Variants in SGIP1 observed in about 807,000 individuals in gnomAD.
The protein encoded by SGIP1 is SH3GL interacting endocytic adaptor 1.
A neutral mutation model predicts 107.5 loss-of-function variants in SGIP1; 38 were observed. The ratio of observed to expected loss-of-function variants is 0.35; its 90% CI spans 0.27 to 0.46. SGIP1 has a LOEUF of 0.46. Ranked by LOEUF, SGIP1 falls within the 20% of genes least tolerant of loss-of-function variation. SGIP1 has a pLI of 1.00. For synonymous variants in SGIP1, 365 were observed against 366.1 expected (o/e 1.00, Z 0.03); for missense variants, 929 against 1,019.5 (o/e 0.91, Z 1.21).
At chr1:66,673,697 CAGA>C (rs1352614713) in intron 12 of SGIP1, among the ~76,000 whole-genome samples, 2 of 152,204 alleles carry the variant, frequency 1.3e-5, no homozygotes, top group African/African-American at 4.8e-5. Flanking sequence ...GAGGTGTCAA[CAGA>C]ATCACAAATG....
At chr1:66,536,540 G>C (rs924731727) in intron 1 of SGIP1, among the ~76,000 whole-genome samples, 8 of 152,118 alleles carry the variant, frequency 5.3e-5, no homozygotes, top group African/African-American at 1.7e-4. Flanking sequence ...TTTCACCTCT[G>C]AATTGCTCTT....
At chr1:66,727,755 A>T (rs2093823710) in intron 19 of SGIP1, among the ~76,000 whole-genome samples, 1 of 152,206 alleles carries the variant, frequency 6.6e-6, no homozygotes, top group Admixed American at 6.5e-5. Context: ...AATTATGTGC[A>T]GTGAAAGAAA....
At chr1:66,534,119 G>A (rs1433751466), upstream of SGIP1, 3 of 589,452 alleles carry the variant, frequency 5.1e-6, no homozygotes, top group Non-Finnish European at 9.1e-6. Flanking sequence ...GGTGCAGCTC[G>A]GCCAGCTTGC....
At chr1:66,609,524 C>T (rs1570544852) in intron 1 of SGIP1, among the ~76,000 whole-genome samples, 1 of 152,184 alleles carries the variant, frequency 6.6e-6, no homozygotes, top group East Asian at 1.9e-4. Flanking sequence ...TGGAGAAATA[C>T]ATCAGACCAG....
intron 1 of SGIP1, among the ~76,000 whole-genome samples, chr1:66,534,626 C>T (rs2053145440): frequency 6.6e-6 from 1 of 152,146 alleles, no homozygotes; most frequent in African/African-American, 2.4e-5. Flanking sequence ...TTGCAGGGAG[C>T]TGAGATGGAG....
chr1:66,574,988 C>T (rs991957877), intron 1 of SGIP1, among the ~76,000 whole-genome samples: 5 of 152,146 alleles, frequency 3.3e-5, no homozygotes, highest in Non-Finnish European at 7.3e-5. Flanking sequence ...ATAGATTTAA[C>T]CTTATACTTT....
At chr1:66,719,996 C>T (rs891926243) in intron 19 of SGIP1, among the ~76,000 whole-genome samples, 1 of 152,170 alleles carries the variant, frequency 6.6e-6, no homozygotes, top group Non-Finnish European at 1.5e-5. Context: ...AAATTCACCA[C>T]TTTCTATTTA....
chr1:66,660,232 G>A (rs1446527904), intron 7 of SGIP1: 4 of 336,776 alleles, frequency 1.2e-5, no homozygotes, highest in African/African-American at 1.0e-4. Flanking sequence ...AAAGAAAGAG[G>A]GAGGGAGGGA....
At chr1:66,555,313 A>T (rs1387344115) in intron 1 of SGIP1, among the ~76,000 whole-genome samples, 1 of 152,086 alleles carries the variant, frequency 6.6e-6, no homozygotes. Flanking sequence ...GTTTCAATAA[A>T]CAGAACCTAT....
In SGIP1 at chr1:66,747,621, A is replaced by T. The variant is rs944801306; in HGVS notation, c.*4526A>T. 1 of 152,036 alleles carries T rather than the reference A, an allele frequency of 6.6e-6. No homozygotes were observed. Among genetic ancestry groups the T allele is most frequent in the Non-Finnish European group, 1.5e-5 (1 of 67,884 alleles). 9.4% of individuals were successfully genotyped at this position (152,036 alleles called of 1,614,324 possible). On this transcript the variant is annotated 3_prime_UTR_variant, in exon 25 of 25. Transcript: ENST00000371037. ...ATTCAGATCTCTAACTTGTGAGTTG[A>T]ACCTATTTATTTTGTAAGCTTTTGA...
intron 5 of SGIP1, among the ~76,000 whole-genome samples, chr1:66,640,102 G>C (rs1404690422): frequency 6.6e-6 from 1 of 152,098 alleles, no homozygotes; most frequent in East Asian, 1.9e-4. Context: ...TGTATTTTAT[G>C]TGTGGCCCAA....
intron 1 of SGIP1, among the ~76,000 whole-genome samples, chr1:66,540,698 T>G (rs1271740014): frequency 6.6e-6 from 1 of 152,230 alleles, no homozygotes; most frequent in East Asian, 1.9e-4. Flanking sequence ...TTTGTTAATC[T>G]TAGGAGCTCA....
rs1157756682 is a variant in SGIP1 at position 66,750,535 on chromosome 1, T to C, written c.*7440T>C. ...AATACACTAAATTTCTTTTTAATCT[T>C]GTACTAAGTACATAATTTCACAAAA... On this transcript the variant is annotated 3_prime_UTR_variant, in exon 25 of 25. Transcript: ENST00000371037. Among the ~76,000 whole-genome samples the C allele has an allele frequency of 6.6e-6, 1 of 152,238 alleles. No homozygotes were observed. The highest frequency in any genetic ancestry group is 1.5e-5 in the Non-Finnish European group (1 of 68,026).
intron 1 of SGIP1, among the ~76,000 whole-genome samples, chr1:66,586,576 A>T (rs1176453165): frequency 6.6e-6 from 1 of 152,154 alleles, no homozygotes; most frequent in African/African-American, 2.4e-5. Context: ...TGAGTAAAGT[A>T]TAAAACCTTA....
At chr1:66,670,505 T>C (rs1010787381) in intron 9 of SGIP1, among the ~76,000 whole-genome samples, 5 of 152,200 alleles carry the variant, frequency 3.3e-5, no homozygotes, top group Admixed American at 1.3e-4. Context: ...AAGTTTCCCC[T>C]GCCTTTTACA....
intron 19 of SGIP1, among the ~76,000 whole-genome samples, chr1:66,721,598 G>C (rs564827365): frequency 3.9e-4 from 59 of 151,964 alleles, no homozygotes; most frequent in Non-Finnish European, 7.8e-4. Context: ...TTTTAGCGAC[G>C]GGGTTTTTTC....
At chr1:66,617,319 A>G (rs888855457) in intron 1 of SGIP1, among the ~76,000 whole-genome samples, 1 of 111,674 alleles carries the variant, frequency 9.0e-6, no homozygotes, top group African/African-American at 2.9e-5. Flanking sequence ...AAATATCATT[A>G]AAAAAATCAC....
At chr1:66,742,266 A>C (rs2094470265) in intron 24 of SGIP1, among the ~76,000 whole-genome samples, 1 of 151,978 alleles carries the variant, frequency 6.6e-6, no homozygotes. Context: ...ATTTGGCACA[A>C]ACAATGGGGT....
At chr1:66,742,981 G>A (rs1242236055) in intron 24 of SGIP1, 92 bp from the exon 25 acceptor site, 2 of 1,285,682 alleles carry the variant, frequency 1.6e-6, no homozygotes, top group Non-Finnish European at 2.3e-6. Context: ...TGGCTCCTAG[G>A]GGTAGGGAAG....
Sources: allele counts gnomAD v4.1 joint callset (sites outside exome capture counted in the v4.1 genomes callset), GRCh38; gene constraint gnomAD v4.1.1; transcripts MANE v1.5; gene names NCBI Gene and HGNC (gene_info 2026-07-23, HGNC 2026-07-21).